The following WWOX variants were observed in gnomAD, a reference collection of about 807,000 sequenced individuals.
WWOX encodes WW domain containing oxidoreductase.
WWOX carries 69 observed loss-of-function variants against 46.2 expected under a neutral mutation model. The observed-to-expected ratio is 1.49, with a 90% CI of 1.23 to 1.82. WWOX has a LOEUF of 1.82. Among genes scored for constraint, WWOX ranks in the 40% most tolerant of loss-of-function variants. WWOX has a pLI of 0.00. For synonymous variants in WWOX, 359 were observed against 202.6 expected, an observed-to-expected ratio of 1.77 and a Z score of -6.56; for missense variants, 919 against 542.6, an observed-to-expected ratio of 1.69 and a Z score of -6.89.
At chr16:78,147,661 C>CT (rs1415715612) in intron 4 of WWOX, among the ~76,000 whole-genome samples, 3 of 80,166 alleles carry the variant, frequency 3.7e-5, no homozygotes, top group African/African-American at 1.6e-4. Flanking sequence ...CTGAATTTTT[C>CT]TTTTTCTTTC....
intron 5 of WWOX, among the ~76,000 whole-genome samples, chr16:78,181,823 A>G (rs2035540318): frequency 1.3e-5 from 2 of 152,128 alleles, no homozygotes; most frequent in South Asian, 4.1e-4. Context: ...TTAAATATAG[A>G]TTTTTTTAGA....
chr16:78,229,074 C>CGTTT (rs2151805257), intron 5 of WWOX, among the ~76,000 whole-genome samples: 1 of 152,188 alleles, frequency 6.6e-6, no homozygotes, highest in South Asian at 2.1e-4. Context: ...CAGCATGTCC[C>CGTTT]GTTTGTATAA....
At chr16:78,849,665 C>A (rs952597288) in intron 8 of WWOX, among the ~76,000 whole-genome samples, 2 of 151,454 alleles carry the variant, frequency 1.3e-5, no homozygotes, top group East Asian at 3.9e-4. Flanking sequence ...TATTTGAGGA[C>A]AAAACACAGT....
At chr16:78,457,560 C>T (rs1030905209) in intron 8 of WWOX, among the ~76,000 whole-genome samples, 21 of 151,924 alleles carry the variant, frequency 1.4e-4, no homozygotes, top group African/African-American at 4.4e-4. Flanking sequence ...TCTTAACAGC[C>T]GTTTTTATAA....
intron 8 of WWOX, among the ~76,000 whole-genome samples, chr16:79,055,278 G>A (rs1165515958): frequency 6.6e-6 from 1 of 152,118 alleles, no homozygotes; most frequent in Admixed American, 6.5e-5. Context: ...ACATTTTGCT[G>A]AGTTCACATT....
intron 5 of WWOX, among the ~76,000 whole-genome samples, chr16:78,246,462 G>A (rs1483597791): frequency 6.6e-6 from 1 of 152,056 alleles, no homozygotes; most frequent in African/African-American, 2.4e-5. Flanking sequence ...AAACCTGTTG[G>A]TCCCCTCATA....
chr16:78,801,651 A>C (rs555855793), intron 8 of WWOX, among the ~76,000 whole-genome samples: 6 of 152,146 alleles, frequency 3.9e-5, no homozygotes, highest in Non-Finnish European at 7.3e-5. Context: ...TTTGTTTCTG[A>C]ATGAAGTTAT....
intron 8 of WWOX, among the ~76,000 whole-genome samples, chr16:79,045,780 C>CCTT (rs2048053410): frequency 1.8e-5 from 1 of 54,226 alleles, no homozygotes; most frequent in African/African-American, 5.4e-5. Context: ...TTTTCTTTTC[C>CCTT]TTTTTTTTTT....
intron 8 of WWOX, among the ~76,000 whole-genome samples, chr16:79,095,611 C>T (rs966570165): frequency 2.0e-5 from 3 of 152,122 alleles, no homozygotes; most frequent in East Asian, 1.9e-4. Context: ...ACTCATCTAG[C>T]GGAAGTCGAT....
At chr16:79,084,974 G>A (rs1051363908) in intron 8 of WWOX, among the ~76,000 whole-genome samples, 4 of 151,724 alleles carry the variant, frequency 2.6e-5, no homozygotes, top group African/African-American at 9.7e-5. Flanking sequence ...CTCCCAGGCT[G>A]GAGTGCAGTG....
intron 8 of WWOX, among the ~76,000 whole-genome samples, chr16:78,742,041 C>T (rs970031949): frequency 3.3e-5 from 5 of 152,150 alleles, no homozygotes; most frequent in Admixed American, 6.5e-5. Flanking sequence ...ATAGTTTCAA[C>T]CTGGCAACCC....
At chr16:78,924,285 T>A (rs1369173736) in intron 8 of WWOX, among the ~76,000 whole-genome samples, 2 of 152,156 alleles carry the variant, frequency 1.3e-5, no homozygotes, top group Admixed American at 1.3e-4. Flanking sequence ...TTTTATAAGA[T>A]TTTAGGATTA....
intron 8 of WWOX, among the ~76,000 whole-genome samples, chr16:78,580,395 A>T (rs79820893): frequency 1.3e-5 from 2 of 152,170 alleles, no homozygotes; most frequent in South Asian, 2.1e-4. Flanking sequence ...ATTTCAGTCA[A>T]TGCTGAGCAC....
At chr16:79,150,596 C>G (rs1055831494) in intron 8 of WWOX, among the ~76,000 whole-genome samples, 7 of 152,164 alleles carry the variant, frequency 4.6e-5, no homozygotes, top group Non-Finnish European at 4.4e-5. Context: ...ATAAACTTGC[C>G]AGAACCTCCA....
At chr16:78,205,629 C>G (rs903942464) in intron 5 of WWOX, among the ~76,000 whole-genome samples, 1 of 151,790 alleles carries the variant, frequency 6.6e-6, no homozygotes, top group African/African-American at 2.4e-5. Flanking sequence ...TTCCAATTAT[C>G]CACCCTTCCA....
At position 79,201,362 on chromosome 16, in the gene WWOX, T is replaced by A. The variant is rs901467412; in HGVS notation, c.1057-10246T>A. ...TCTTTTCTTTTTTTTTTTTTTTTTT[T>A]AAATGGGAAACTTACAGGGAATAAG... On this transcript the variant is annotated intron_variant, in intron 8 of 8. Transcript: ENST00000566780. Among the ~76,000 whole-genome samples, 10 of 134,990 alleles carry A rather than the reference T, an allele frequency of 7.4e-5. No individual in the cohort carries two copies. In the South Asian group the frequency reaches 2.0e-3, roughly 27 times the overall value. The allele number at this position is 134,990 out of a possible 152,430, so 88.6% of individuals were successfully genotyped here.
At position 78,543,595 on chromosome 16, in the gene WWOX, G is replaced by A. The variant is rs1323690060; in HGVS notation, c.1056+110843G>A. ...AAGCACTGTATTGAGCATACCATAT[G>A]CTGAAAGACTTGGAATGCAAAAACC... On this transcript the variant is annotated intron_variant, in intron 8 of 8. Transcript: ENST00000566780. 5.3e-5 allele frequency among the ~76,000 whole-genome samples: 8 copies of A among 152,260 alleles called. 1 individual carries two copies. The East Asian group carries it at 7.7e-4, about 15-fold the overall frequency.
At chr16:78,493,014 C>T (rs116794580) in intron 8 of WWOX, among the ~76,000 whole-genome samples, 1,761 of 152,186 alleles carry the variant, frequency 0.012, 36 homozygotes, top group African/African-American at 0.04. Flanking sequence ...TTTACCATCC[C>T]GGTAAAGTGA....
chr16:78,613,191 C>A (rs191245997), intron 8 of WWOX, among the ~76,000 whole-genome samples: 1 of 152,172 alleles, frequency 6.6e-6, no homozygotes, highest in Non-Finnish European at 1.5e-5. Context: ...GTGCCCATCA[C>A]CCCGATCACA....
Sources: gnomAD v4.1 joint callset for allele counts (sites outside exome capture counted in the v4.1 genomes callset) on GRCh38, gnomAD v4.1.1 for gene constraint, MANE v1.5 for transcripts, NCBI Gene and HGNC (gene_info 2026-07-23, HGNC 2026-07-21) for gene names.